Variants in CSMD1 observed in about 807,000 individuals in gnomAD.
CSMD1 encodes CUB and Sushi multiple domains 1.
A neutral mutation model predicts 417.5 loss-of-function variants in CSMD1; 213 were observed. The ratio of observed to expected loss-of-function variants is 0.51; its 90% CI spans 0.46 to 0.57. The LOEUF is 0.57. Among genes scored for constraint, CSMD1 ranks in the 20% least tolerant of loss-of-function variants. CSMD1 has a pLI of 0.00. For synonymous variants in CSMD1, 2,862 were observed against 1,736.8 expected, an observed-to-expected ratio of 1.65 and a Z score of -16.11; for missense variants, 6,923 against 4,529.7, an observed-to-expected ratio of 1.53 and a Z score of -15.17.
At chr8:3,542,413 T>A (rs115388052) in intron 10 of CSMD1, among the ~76,000 whole-genome samples, 1 of 152,210 alleles carries the variant, frequency 6.6e-6, no homozygotes, top group African/African-American at 2.4e-5. Context: ...CTGTTCCAGA[T>A]ACCGTTCTAC....
rs549538764 is a variant in CSMD1, at chr8:3,621,649, G to T, written c.1010-4852C>A. Among the ~76,000 whole-genome samples the T allele has an allele frequency of 1.8e-3, 278 of 152,056 alleles. 2 individuals carry two copies. Among genetic ancestry groups the T allele is most frequent in the African/African-American group, 6.4e-3 (267 of 41,472 alleles). ...GTTCTGTTGCCCAGGCTGCAGTGCA[G>T]TGGCATAATCATGGCTCACTGCAGC... is the stretch of plus-strand genomic sequence containing the variant. On this transcript the variant is annotated intron_variant, in intron 7 of 69. Transcript: ENST00000635120.
intron 5 of CSMD1, among the ~76,000 whole-genome samples, chr8:3,981,060 G>T (rs558111331): frequency 2.6e-5 from 4 of 152,094 alleles, no homozygotes; most frequent in African/African-American, 2.4e-5. Context: ...AGTCAAAAAC[G>T]CCCGTACTTG....
At chr8:4,008,356 G>A (rs910635884) in intron 4 of CSMD1, among the ~76,000 whole-genome samples, 5 of 151,646 alleles carry the variant, frequency 3.3e-5, no homozygotes, top group Admixed American at 2.6e-4. Context: ...TTTATTCCAT[G>A]GATACTAATA....
At chr8:3,397,439 C>T (rs930248709) in intron 16 of CSMD1, among the ~76,000 whole-genome samples, 1 of 152,136 alleles carries the variant, frequency 6.6e-6, no homozygotes, top group East Asian at 1.9e-4. Context: ...TGCAAATGCA[C>T]ATGATTACCT....
intron 3 of CSMD1, among the ~76,000 whole-genome samples, chr8:4,103,620 G>A (rs1045843813): frequency 6.6e-6 from 1 of 152,098 alleles, no homozygotes; most frequent in African/African-American, 2.4e-5. Flanking sequence ...AAACACTTGT[G>A]TAGTCTTAAG....
chr8:4,522,897 C>G (rs183598677), intron 2 of CSMD1, among the ~76,000 whole-genome samples: 14 of 152,160 alleles, frequency 9.2e-5, no homozygotes, highest in African/African-American at 3.1e-4. Flanking sequence ...TTCCATAATC[C>G]TAAGGATCCT....
intron 3 of CSMD1, among the ~76,000 whole-genome samples, chr8:4,172,401 G>T (rs768669042): frequency 2.2e-4 from 33 of 152,012 alleles, no homozygotes; most frequent in Admixed American, 1.4e-3. Flanking sequence ...AATAGCCAGT[G>T]GGTCTCATGG....
intron 9 of CSMD1, among the ~76,000 whole-genome samples, chr8:3,580,840 G>A (rs896815548): frequency 6.6e-6 from 1 of 152,064 alleles, no homozygotes; most frequent in Non-Finnish European, 1.5e-5. Context: ...CTCTTTAAAA[G>A]GTCATTTCTA....
At chr8:2,955,444 A>C (rs983866798) in intron 64 of CSMD1, 145 bp downstream of exon 64, 1 of 678,184 alleles carries the variant, frequency 1.5e-6, no homozygotes, top group Non-Finnish European at 2.5e-6. Context: ...CAGCTCACGC[A>C]CATGAAGCAC....
chr8:3,524,029 ACACATG>A (rs1797640249), intron 10 of CSMD1, among the ~76,000 whole-genome samples: 1 of 146,664 alleles, frequency 6.8e-6, no homozygotes, highest in Non-Finnish European at 1.5e-5. Flanking sequence ...GCACACACAC[ACACATG>A]CACACCCAGA....
chr8:4,329,041 G>A (rs146271600), intron 3 of CSMD1, among the ~76,000 whole-genome samples: 427 of 152,180 alleles, frequency 2.8e-3, no homozygotes, highest in Non-Finnish European at 4.1e-3. Flanking sequence ...TGTAAGTCAA[G>A]CCCTGGAGAA....
chr8:3,771,590 G>A (rs1260400197), intron 5 of CSMD1, among the ~76,000 whole-genome samples: 1 of 152,096 alleles, frequency 6.6e-6, no homozygotes. Context: ...AGCCTCAGGG[G>A]CAGGGAGTCA....
At chr8:4,921,518 C>G (rs1806498607) in intron 1 of CSMD1, among the ~76,000 whole-genome samples, 1 of 152,146 alleles carries the variant, frequency 6.6e-6, no homozygotes, top group Non-Finnish European at 1.5e-5. Flanking sequence ...GTTGGAATCA[C>G]TATATAGTTG....
chr8:4,739,976 G>C (rs915299916), intron 1 of CSMD1, among the ~76,000 whole-genome samples: 1 of 152,062 alleles, frequency 6.6e-6, no homozygotes, highest in African/African-American at 2.4e-5. Context: ...TAGCTGACTG[G>C]CCAGCCGCCT....
intron 1 of CSMD1, among the ~76,000 whole-genome samples, chr8:4,693,404 G>A (rs912951689): frequency 2.6e-5 from 4 of 152,218 alleles, no homozygotes; most frequent in African/African-American, 7.2e-5. Context: ...CTTCCTGGAG[G>A]TGTGTTCTGG....
At chr8:3,416,436 G>A (rs190858549) in intron 12 of CSMD1, among the ~76,000 whole-genome samples, 1 of 151,778 alleles carries the variant, frequency 6.6e-6, no homozygotes, top group Non-Finnish European at 1.5e-5. Flanking sequence ...AGAAATAAAT[G>A]AATGTGGACT....
At chr8:4,881,843 C>T (rs1219101395) in intron 1 of CSMD1, among the ~76,000 whole-genome samples, 2 of 151,926 alleles carry the variant, frequency 1.3e-5, no homozygotes, top group Non-Finnish European at 2.9e-5. Flanking sequence ...TTCTACAATT[C>T]GAGCATTATT....
chr8:3,197,522 G>A (rs1345657093), intron 33 of CSMD1, among the ~76,000 whole-genome samples: 1 of 148,238 alleles, frequency 6.7e-6, no homozygotes, highest in Non-Finnish European at 1.5e-5. Flanking sequence ...CTGGAGTGCA[G>A]TGGCGCGATC....
intron 3 of CSMD1, among the ~76,000 whole-genome samples, chr8:4,252,142 G>C (rs1386527320): frequency 6.6e-6 from 1 of 152,106 alleles, no homozygotes; most frequent in Non-Finnish European, 1.5e-5. Flanking sequence ...TTTCAGTTTT[G>C]TTCTGTTCTT....
Sources: gnomAD v4.1 joint callset for allele counts (sites outside exome capture counted in the v4.1 genomes callset) on GRCh38, gnomAD v4.1.1 for gene constraint, MANE v1.5 for transcripts, NCBI Gene and HGNC (gene_info 2026-07-23, HGNC 2026-07-21) for gene names.